ITGA9: variants seen among roughly 807,000 people sequenced by gnomAD.
ITGA9 encodes integrin subunit alpha 9.
ITGA9 carries 56 observed loss-of-function variants against 127.8 expected under a neutral mutation model. That is an observed-to-expected ratio of 0.44 (90% CI 0.35 to 0.55). The LOEUF is 0.55. ITGA9 is among the 20% of genes least tolerant of loss of function. The pLI is 0.00. For synonymous variants in ITGA9, 508 were observed against 514.5 expected (o/e 0.99, Z 0.17); for missense variants, 1,196 against 1,347.1 (o/e 0.89, Z 1.76).
rs1311048070 is a variant in ITGA9 at position 37,799,695 on chromosome 3, A to G, written c.2890-4128A>G. On this transcript the variant is annotated intron_variant, in intron 26 of 27. Coordinates refer to ENST00000264741, the MANE Select transcript of ITGA9 (RefSeq NM_002207.3). The surrounding 1 kb of genome is among the most constrained non-coding windows in gnomAD (Gnocchi z 4.0). Reference sequence around the variant, plus strand: ...ACCTGTGCCTTAGAAAAACAACTCTATCAGCAAGGAGGCCTTTCCAAGCCT... The same window carrying G: ...ACCTGTGCCTTAGAAAAACAACTCTGTCAGCAAGGAGGCCTTTCCAAGCCT... 6.6e-6 allele frequency among the ~76,000 whole-genome samples: 1 copy of G among 152,136 alleles called. No individual in the cohort carries two copies. The highest frequency in any genetic ancestry group is 6.5e-5 in the Admixed American group (1 of 15,272).
chr3:37,655,653 C>A (rs574203497), intron 17 of ITGA9, among the ~76,000 whole-genome samples: 34 of 152,156 alleles, frequency 2.2e-4, no homozygotes, highest in African/African-American at 7.5e-4. Flanking sequence ...TGCCTGTTCA[C>A]TCTGATGATA....
At chr3:37,648,757 G>A (rs968383418) in intron 16 of ITGA9, among the ~76,000 whole-genome samples, 5 of 152,118 alleles carry the variant, frequency 3.3e-5, no homozygotes, top group South Asian at 2.1e-4. Context: ...AAGGAAACTC[G>A]TTGGTAAAGG....
At chr3:37,676,701 C>T (rs375229132) in intron 17 of ITGA9, among the ~76,000 whole-genome samples, 2 of 152,208 alleles carry the variant, frequency 1.3e-5, no homozygotes, top group African/African-American at 4.8e-5. Flanking sequence ...AAGTTGGTCA[C>T]TCAAGAAAAC....
intron 26 of ITGA9, among the ~76,000 whole-genome samples, chr3:37,788,863 C>T (rs903801974): frequency 6.6e-6 from 1 of 151,966 alleles, no homozygotes; most frequent in South Asian, 2.1e-4. Context: ...GAAATTGTTA[C>T]TTTTTGGAAA....
rs1042431174 is a variant in ITGA9, at chr3:37,629,685, T to C, written c.1839+349T>C. On this transcript the variant is annotated intron_variant, in intron 16 of 27. Transcript: ENST00000264741. This position sits in a 1 kb window ranked among gnomAD's most constrained non-coding sequence, Gnocchi z 4.5. Reference sequence around the variant, plus strand: ...TGGTGGATAGTAGGTGCTTAATGAATGTTTTATTGGTGGGAGAATGAGTGA... The same window carrying C: ...TGGTGGATAGTAGGTGCTTAATGAACGTTTTATTGGTGGGAGAATGAGTGA... 6.6e-6 allele frequency among the ~76,000 whole-genome samples: 1 copy of C among 152,118 alleles called. No individual in the cohort carries two copies. The highest frequency in any genetic ancestry group is 1.5e-5 in the Non-Finnish European group (1 of 68,010).
intron 4 of ITGA9, among the ~76,000 whole-genome samples, chr3:37,489,269 C>T (rs1488650658): frequency 6.6e-6 from 1 of 152,212 alleles, no homozygotes; most frequent in Non-Finnish European, 1.5e-5. Context: ...AGAATGTTTT[C>T]ACTGGAAATG....
chr3:37,750,594 A>G lies in ITGA9; in HGVS notation c.2541+25A>G. The G allele has an allele frequency of 2.7e-6, 4 of 1,494,948 alleles. No individual in the cohort carries two copies. In the East Asian group the frequency reaches 9.0e-5, roughly 34 times the overall value. The allele number at this position is 1,494,948 out of a possible 1,614,324, so 92.6% of individuals were successfully genotyped here. On this transcript the variant is annotated intron_variant, in intron 23 of 27. Coordinates refer to ENST00000264741, the MANE Select transcript of ITGA9 (RefSeq NM_002207.3). ...GGTGAGTTCTCCATTTGTTTTCACTATTGCTTTCAGCTTTGAGCCAGCCCA... is the reference window on the plus strand; with the variant it reads ...GGTGAGTTCTCCATTTGTTTTCACTGTTGCTTTCAGCTTTGAGCCAGCCCA...
chr3:37,790,424 T>C, intron 26 of ITGA9: 3 of 443,986 alleles, frequency 6.8e-6, no homozygotes, highest in Non-Finnish European at 1.4e-5. Context: ...TGCCTGATCC[T>C]GCGAGTCACT....
intron 15 of ITGA9, among the ~76,000 whole-genome samples, chr3:37,543,224 T>C (rs1461356267): frequency 6.6e-6 from 1 of 152,076 alleles, no homozygotes; most frequent in African/African-American, 2.4e-5. Context: ...GCTGGCAGGG[T>C]GGAAGACCTG....
intron 18 of ITGA9, among the ~76,000 whole-genome samples, chr3:37,702,658 A>G (rs924681811): frequency 6.6e-6 from 1 of 151,972 alleles, no homozygotes; most frequent in African/African-American, 2.4e-5. Context: ...GTGGGGCTGT[A>G]TTTGAGAGGG....
chr3:37,679,129 A>C (rs1465434809), intron 17 of ITGA9, among the ~76,000 whole-genome samples: 2 of 152,096 alleles, frequency 1.3e-5, no homozygotes, highest in African/African-American at 4.8e-5. Flanking sequence ...TTGACTACTA[A>C]TAATGATTTT....
chr3:37,622,806 C>A (rs1229774659), intron 15 of ITGA9, among the ~76,000 whole-genome samples: 1 of 151,790 alleles, frequency 6.6e-6, no homozygotes, highest in African/African-American at 2.4e-5. Flanking sequence ...GATTGCGCCA[C>A]TGCACTGCAC....
Position 37,732,773 on chromosome 3 carries a change from T to A in ITGA9, c.2129T>A (p.Phe710Tyr). The change falls in exon 19 of 28, where the codon TTT becomes TAT. Residue 710 changes from phenylalanine (F) to tyrosine (Y), a missense_variant. Transcript: ENST00000264741. ...ESDFLKCSVG[F>Y]PFMRSKSKYE... ...GACTTCCTCAAATGCAGCGTGGGAT[T>A]TCCTTTCATGAGGTCAAAGTCAAAG... The A allele has an allele frequency of 6.2e-7, 1 of 1,611,312 alleles. No homozygotes were observed.
chr3:37,534,061 T>A (rs1699184746), intron 14 of ITGA9, among the ~76,000 whole-genome samples: 1 of 152,030 alleles, frequency 6.6e-6, no homozygotes, highest in African/African-American at 2.4e-5. Context: ...CTGGGGAAAA[T>A]CAACTTGCTA....
At chr3:37,501,939 C>T (rs1698790851) in intron 5 of ITGA9, among the ~76,000 whole-genome samples, 1 of 152,154 alleles carries the variant, frequency 6.6e-6, no homozygotes, top group South Asian at 2.1e-4. Context: ...TCTTGGAAAA[C>T]AGTGTGGTCT....
chr3:37,652,997 A>G (rs1490856595), intron 16 of ITGA9, among the ~76,000 whole-genome samples: 1 of 152,224 alleles, frequency 6.6e-6, no homozygotes, highest in East Asian at 1.9e-4. Flanking sequence ...GCCCAGGCCC[A>G]GGCACAGCCA....
intron 15 of ITGA9, among the ~76,000 whole-genome samples, chr3:37,574,116 G>A (rs1419093191): frequency 1.3e-5 from 2 of 152,006 alleles, no homozygotes; most frequent in African/African-American, 4.8e-5. Context: ...AGTTGGATAG[G>A]AAGAAAAAAA....
intron 20 of ITGA9, among the ~76,000 whole-genome samples, chr3:37,741,367 T>A (rs1696431352): frequency 6.8e-6 from 1 of 147,390 alleles, no homozygotes; most frequent in Non-Finnish European, 1.5e-5. Flanking sequence ...GAAGACTGAC[T>A]CTGCCTCACA....
At chr3:37,559,791 T>C (rs1699467632) in intron 15 of ITGA9, among the ~76,000 whole-genome samples, 1 of 152,134 alleles carries the variant, frequency 6.6e-6, no homozygotes, top group African/African-American at 2.4e-5. Flanking sequence ...GGAGGCCTGG[T>C]GGCAAGCAGT....
Sources: allele counts gnomAD v4.1 joint callset (sites outside exome capture counted in the v4.1 genomes callset), GRCh38; gene constraint gnomAD v4.1.1; non-coding constraint Gnocchi (gnomAD v3.1); transcripts MANE v1.5; gene names NCBI Gene and HGNC (gene_info 2026-07-23, HGNC 2026-07-21).